The following SMARCC1 variants were observed in gnomAD, a reference collection of about 807,000 sequenced individuals.
SMARCC1 encodes SWI/SNF complex subunit SMARCC1.
Under a neutral mutation model 147.4 loss-of-function variants are expected in SMARCC1, and 43 were observed. The ratio of observed to expected loss-of-function variants is 0.29; its 90% confidence interval spans 0.23 to 0.38. The LOEUF (loss-of-function observed/expected upper bound fraction) is 0.38. Among genes scored for constraint, SMARCC1 ranks in the 10% least tolerant of loss-of-function variants. SMARCC1 has a pLI of 1.00. For missense variants in SMARCC1, 1,119 were observed against 1,381.1 expected, an observed-to-expected ratio of 0.81 and a Z score of 3.01; for synonymous variants, 495 against 484.4, an observed-to-expected ratio of 1.02 and a Z score of -0.29.
rs746437064 is a variant in SMARCC1, at chr3:47,628,586, T to G, written c.2647-6245A>C. Among the ~76,000 whole-genome samples the G allele has an allele frequency of 2.6e-5, 4 of 152,184 alleles. No homozygotes were observed. In the South Asian group the frequency reaches 6.2e-4, roughly 24 times the overall value. On this transcript the variant is annotated intron_variant, in intron 24 of 27. Transcript: ENST00000254480. ...CTTTTGTCTAACGGGAATTACTTTT[T>G]TTCTTGAGACAGAGTTTCACTCTGT...
intron 13 of SMARCC1, among the ~76,000 whole-genome samples, chr3:47,686,551 T>A (rs2033725988): frequency 6.6e-6 from 1 of 152,266 alleles, no homozygotes; most frequent in Admixed American, 6.5e-5. Context: ...TAATCTGAAG[T>A]AAATGTTTAC....
intron 10 of SMARCC1, among the ~76,000 whole-genome samples, chr3:47,705,338 A>T (rs1485690932): frequency 6.6e-6 from 1 of 151,598 alleles, no homozygotes; most frequent in East Asian, 1.9e-4. Context: ...AAAAAAAAAA[A>T]AAAAACGAAC....
At chr3:47,694,041 A>G (rs2033820292) in intron 11 of SMARCC1, among the ~76,000 whole-genome samples, 1 of 152,140 alleles carries the variant, frequency 6.6e-6, no homozygotes. Context: ...AATGTTATCA[A>G]TACTGTGCTT....
chr3:47,707,306 C>CG (rs2034004821), intron 9 of SMARCC1, among the ~76,000 whole-genome samples: 2 of 149,064 alleles, frequency 1.3e-5, no homozygotes. Context: ...AGTAAGACTC[C>CG]GTCTCAAAGA....
chr3:47,654,665 G>A lies in SMARCC1; in HGVS notation c.2320+6629C>T, dbSNP rs571086849. On this transcript the variant is annotated intron_variant, in intron 21 of 27. Transcript: ENST00000254480. ...CTAGCAAAGGATTTTGTTCTGTGTC[G>A]CAACATGGCAGAGGAGGTCAAAGGA... Among the ~76,000 whole-genome samples, 9 of 152,298 alleles carry A rather than the reference G, an allele frequency of 5.9e-5. No homozygotes were observed. The South Asian group carries it at 6.2e-4, about 11-fold the overall frequency.
chr3:47,778,829 A>G (rs1396807197), intron 1 of SMARCC1, among the ~76,000 whole-genome samples: 1 of 151,938 alleles, frequency 6.6e-6, no homozygotes, highest in African/African-American at 2.4e-5. Flanking sequence ...TCTACTGATA[A>G]TACAAAAAAT....
At chr3:47,606,315 G>A (rs949699932) in intron 26 of SMARCC1, among the ~76,000 whole-genome samples, 2 of 152,180 alleles carry the variant, frequency 1.3e-5, no homozygotes, top group African/African-American at 4.8e-5. Flanking sequence ...GTCACGGGAG[G>A]CAGCACTGTG....
rs757328664 is a variant in SMARCC1 at position 47,586,050 on chromosome 3, C to T, written c.*2159G>A. The T allele has an allele frequency of 2.0e-5, 3 of 152,588 alleles. No individual in the cohort carries two copies. Among genetic ancestry groups the T allele is most frequent in the South Asian group, 2.1e-4 (1 of 4,826 alleles). 9.5% of individuals were successfully genotyped at this position (152,588 alleles called of 1,614,324 possible). A position where few individuals can be genotyped will look rare whatever the true frequency, so the allele number is the denominator to read the frequency against. On this transcript the variant is annotated 3_prime_UTR_variant, in exon 28 of 28. Coordinates refer to ENST00000254480, the MANE Select transcript of SMARCC1 (RefSeq NM_003074.4). ...ACAAAAACCACATATTATTCCCCCC[C>T]CTCACAAAATCAGGTGGCTGAATTA... is the stretch of plus-strand genomic sequence containing the variant.
intron 3 of SMARCC1, among the ~76,000 whole-genome samples, chr3:47,745,485 G>T (rs563422321): frequency 3.9e-4 from 59 of 152,178 alleles, no homozygotes; most frequent in Non-Finnish European, 7.2e-4. Context: ...GGCTGAGATG[G>T]GTGGAGTGCT....
At chr3:47,657,078 C>G (rs2033272361) in intron 21 of SMARCC1, among the ~76,000 whole-genome samples, 2 of 152,002 alleles carry the variant, frequency 1.3e-5, no homozygotes, top group African/African-American at 2.4e-5. Flanking sequence ...AAAGATGTAA[C>G]AATTATAAAC....
intron 2 of SMARCC1, among the ~76,000 whole-genome samples, chr3:47,772,196 G>C (rs146253510): frequency 3.9e-5 from 6 of 152,350 alleles, no homozygotes; most frequent in Admixed American, 1.3e-4. Context: ...TTTGAGACCA[G>C]CCTGGGCAAC....
chr3:47,609,995 T>C, intron 26 of SMARCC1, 71 bp downstream of exon 26: 1 of 1,511,470 alleles, frequency 6.6e-7, no homozygotes. Flanking sequence ...AACTGTGTGG[T>C]TGGCCCCAAT....
At chr3:47,662,716 T>G in intron 19 of SMARCC1, 124 bp from the exon 20 acceptor site, 1 of 765,828 alleles carries the variant, frequency 1.3e-6, no homozygotes, top group Non-Finnish European at 2.1e-6. Context: ...AATAGAAAGA[T>G]TTGATGGTTT....
At chr3:47,591,958 AGTTT>A (rs2032190726) in intron 26 of SMARCC1, among the ~76,000 whole-genome samples, 1 of 152,250 alleles carries the variant, frequency 6.6e-6, no homozygotes, top group Non-Finnish European at 1.5e-5. Context: ...GAATCAATGT[AGTTT>A]TTTTCTTTAA....
chr3:47,604,190 C>T (rs2032430911), intron 26 of SMARCC1: 1 of 456,598 alleles, frequency 2.2e-6, no homozygotes, highest in Admixed American at 2.3e-5. Context: ...CAAGCTGCTA[C>T]TTTAACAGGC....
intron 10 of SMARCC1, among the ~76,000 whole-genome samples, chr3:47,705,062 G>A (rs1013927904): frequency 2.7e-5 from 4 of 150,548 alleles, no homozygotes; most frequent in Admixed American, 1.3e-4. Context: ...AGTGGCTCAC[G>A]CCTGTAATCC....
intron 2 of SMARCC1, among the ~76,000 whole-genome samples, chr3:47,758,787 G>A (rs572401458): frequency 3.3e-5 from 5 of 151,902 alleles, no homozygotes; most frequent in Non-Finnish European, 5.9e-5. Flanking sequence ...GTAATCCTAC[G>A]TTTTGGGAGG....
chr3:47,673,907 G>A (rs934525345), intron 18 of SMARCC1, among the ~76,000 whole-genome samples: 3 of 152,120 alleles, frequency 2.0e-5, no homozygotes, highest in Admixed American at 6.5e-5. Context: ...TCTTGGATCT[G>A]AATTTTGTAT....
chr3:47,659,283 A>T (rs894228663), intron 21 of SMARCC1, among the ~76,000 whole-genome samples: 3 of 147,736 alleles, frequency 2.0e-5, no homozygotes, highest in African/African-American at 5.0e-5. Flanking sequence ...AATAAAAAAT[A>T]AAAAAAAAAG....
Sources: gnomAD v4.1 joint callset for allele counts (sites outside exome capture counted in the v4.1 genomes callset) on GRCh38, gnomAD v4.1.1 for gene constraint, MANE v1.5 for transcripts, NCBI Gene and HGNC (gene_info 2026-07-23, HGNC 2026-07-21) for gene names.